TENM4: variants seen among roughly 807,000 people sequenced by gnomAD.
The protein encoded by TENM4 is teneurin-4.
Under a neutral mutation model 243.3 loss-of-function variants are expected in TENM4, and 82 were observed. That is an observed-to-expected ratio of 0.34 (90% CI 0.28 to 0.40). The LOEUF is 0.40. TENM4 is among the 10% of genes least tolerant of loss of function. The pLI, the probability that TENM4 is intolerant of heterozygous loss-of-function variation, is 1.00. For synonymous variants in TENM4, 1,412 were observed against 1,456.3 expected (o/e 0.97, Z 0.69); for missense variants, 3,138 against 3,673.3 (o/e 0.85, Z 3.77).
intron 6 of TENM4, among the ~76,000 whole-genome samples, chr11:78,946,789 G>A (rs1857009205): frequency 6.6e-6 from 1 of 152,176 alleles, no homozygotes; most frequent in African/African-American, 2.4e-5. Flanking sequence ...GACTTCAGTG[G>A]AGGAAGTAAC....
chr11:78,710,003 C>G (rs1215810202), intron 26 of TENM4, among the ~76,000 whole-genome samples: 2 of 152,158 alleles, frequency 1.3e-5, no homozygotes, highest in African/African-American at 4.8e-5. Flanking sequence ...TGAATCAGTA[C>G]CATGTGAGCA....
At chr11:79,131,223 G>A (rs1861996828) in intron 4 of TENM4, among the ~76,000 whole-genome samples, 1 of 152,132 alleles carries the variant, frequency 6.6e-6, no homozygotes, top group Non-Finnish European at 1.5e-5. Flanking sequence ...TCGGCACATT[G>A]TCATCGGGTT....
intron 6 of TENM4, among the ~76,000 whole-genome samples, chr11:79,028,497 G>A (rs1859142436): frequency 6.6e-6 from 1 of 152,236 alleles, no homozygotes; most frequent in African/African-American, 2.4e-5. Context: ...CTCTGGAGCT[G>A]GGCTGGCCTT....
rs554841194 is a variant in TENM4 at position 78,870,506 on chromosome 11, T to A, written c.1085-7374A>T. The stretch of plus-strand genomic sequence containing the variant: ...TGTCAGGATCCCACTGATGACTACG[T>A]GGGGGTAATTTTTAATCAAGTAAAT... On this transcript the variant is annotated intron_variant, in intron 9 of 33. Coordinates refer to ENST00000278550, the MANE Select transcript of TENM4 (RefSeq NM_001098816.3). Among the ~76,000 whole-genome samples, 4 of 152,142 alleles carry A rather than the reference T, an allele frequency of 2.6e-5. No individual in the cohort carries two copies. In the East Asian group the frequency reaches 7.7e-4, roughly 29 times the overall value.
Position 78,938,427 on chromosome 11 carries a change from C to A in TENM4, c.494-34904G>T, listed in dbSNP as rs532875080. 2.6e-5 allele frequency among the ~76,000 whole-genome samples: 4 copies of A among 152,286 alleles called. No individual in the cohort carries two copies. The South Asian group carries it at 8.3e-4, about 32-fold the overall frequency. Reference sequence around the variant, plus strand: ...AGAGCATCTATCTTAAGGAACACGTCCATGTTTGATTCTTCTCTGCATTCC... The same window carrying A: ...AGAGCATCTATCTTAAGGAACACGTACATGTTTGATTCTTCTCTGCATTCC... On this transcript the variant is annotated intron_variant, in intron 6 of 33. Coordinates refer to ENST00000278550, the MANE Select transcript of TENM4 (RefSeq NM_001098816.3).
At chr11:78,731,450 A>G (rs1855666263) in intron 21 of TENM4, among the ~76,000 whole-genome samples, 1 of 152,206 alleles carries the variant, frequency 6.6e-6, no homozygotes, top group Admixed American at 6.5e-5. Flanking sequence ...CAGGCATGAA[A>G]TATACACAAA....
intron 2 of TENM4, among the ~76,000 whole-genome samples, chr11:79,283,708 A>G (rs908525173): frequency 5.3e-5 from 8 of 152,204 alleles, no homozygotes; most frequent in African/African-American, 1.9e-4. Flanking sequence ...GGTTCTAACC[A>G]GGAAAATTAG....
intron 6 of TENM4, among the ~76,000 whole-genome samples, chr11:79,006,830 C>T (rs1445454626): frequency 2.6e-5 from 4 of 152,210 alleles, no homozygotes; most frequent in Admixed American, 2.6e-4. Flanking sequence ...GTCAACTTGG[C>T]TGGACCACAG....
chr11:79,129,286 G>C (rs1476420714), intron 4 of TENM4, among the ~76,000 whole-genome samples: 1 of 152,132 alleles, frequency 6.6e-6, no homozygotes, highest in African/African-American at 2.4e-5. Context: ...GTGGCCAGAG[G>C]TGGCGGGGTG....
chr11:79,011,540 C>A (rs1858642086), intron 6 of TENM4, among the ~76,000 whole-genome samples: 1 of 152,146 alleles, frequency 6.6e-6, no homozygotes, highest in Non-Finnish European at 1.5e-5. Context: ...CTTAGATGCC[C>A]AGGTTCCTGA....
intron 2 of TENM4, among the ~76,000 whole-genome samples, chr11:79,254,688 C>A (rs1855670647): frequency 6.6e-6 from 1 of 152,164 alleles, no homozygotes; most frequent in Non-Finnish European, 1.5e-5. Flanking sequence ...CTGCAACTGA[C>A]TATAATATTG....
chr11:78,913,679 C>T (rs891192877), intron 6 of TENM4, among the ~76,000 whole-genome samples: 2 of 150,714 alleles, frequency 1.3e-5, no homozygotes, highest in African/African-American at 2.5e-5. Flanking sequence ...TGTGATGGAG[C>T]GGATAAGCAG....
At position 79,129,438 on chromosome 11, in the gene TENM4, C is replaced by T. The variant is rs1397269004; in HGVS notation, c.-66+19272G>A. On this transcript the variant is annotated intron_variant, in intron 4 of 33. Transcript: ENST00000278550. ...CTCCACAGGCGGAGGAAGAACCAAG[C>T]CCTTTTCTTTTGCAGCTGGGAAGTG... is the stretch of plus-strand genomic sequence containing the variant. 2.6e-5 allele frequency among the ~76,000 whole-genome samples: 4 copies of T among 152,162 alleles called. No homozygotes were observed. The South Asian group carries it at 8.3e-4, about 31-fold the overall frequency.
At chr11:79,253,140 T>C (rs752271376) in intron 2 of TENM4, among the ~76,000 whole-genome samples, 20 of 152,200 alleles carry the variant, frequency 1.3e-4, no homozygotes, top group Admixed American at 2.0e-4. Context: ...CCCCAACTTT[T>C]AACTTCTGTA....
intron 6 of TENM4, among the ~76,000 whole-genome samples, chr11:78,915,183 T>C (rs1004743031): frequency 6.6e-6 from 1 of 152,190 alleles, no homozygotes; most frequent in African/African-American, 2.4e-5. Context: ...TATGCACATA[T>C]TGTTTTCTGC....
At chr11:78,835,675 GCTCT>G (rs1858088076) in intron 12 of TENM4, among the ~76,000 whole-genome samples, 2 of 152,096 alleles carry the variant, frequency 1.3e-5, no homozygotes, top group Admixed American at 1.3e-4. Context: ...TTCTCACCTA[GCTCT>G]CTCTATCCAA....
chr11:79,194,162 C>A (rs141115766), intron 3 of TENM4, among the ~76,000 whole-genome samples: 2 of 151,908 alleles, frequency 1.3e-5, no homozygotes, highest in African/African-American at 4.8e-5. Context: ...ACGTTAGAAG[C>A]GCCTTTTGCC....
chr11:78,898,212 T>C (rs112348327), intron 7 of TENM4, among the ~76,000 whole-genome samples: 71 of 152,302 alleles, frequency 4.7e-4, no homozygotes, highest in Non-Finnish European at 7.9e-4. Flanking sequence ...CAGTTAACAT[T>C]GGAGACTGCC....
chr11:79,333,407 G>T (rs943763681), intron 1 of TENM4, among the ~76,000 whole-genome samples: 6 of 152,034 alleles, frequency 3.9e-5, no homozygotes, highest in African/African-American at 1.5e-4. Flanking sequence ...TCTTTATGTG[G>T]TTGGTTTCCA....
Sources: allele counts gnomAD v4.1 joint callset (sites outside exome capture counted in the v4.1 genomes callset), GRCh38; gene constraint gnomAD v4.1.1; transcripts MANE v1.5; gene names NCBI Gene and HGNC (gene_info 2026-07-23, HGNC 2026-07-21).